The following PRKCH variants were observed in gnomAD, a reference collection of about 807,000 sequenced individuals.
PRKCH encodes protein kinase C eta type.
In PRKCH, 28 loss-of-function variants were observed where a neutral mutation model predicts 82.5. The ratio of observed to expected loss-of-function variants is 0.34; its 90% confidence interval spans 0.25 to 0.47. PRKCH has a LOEUF of 0.47. PRKCH is among the 20% of genes least tolerant of loss of function. The pLI, the probability that PRKCH is intolerant of heterozygous loss-of-function variation, is 1.00. For missense variants in PRKCH, 705 were observed against 881.8 expected (o/e 0.80, Z 2.54); for synonymous variants, 322 against 327.4 (o/e 0.98, Z 0.18).
At chr14:61,463,301 C>T (rs1020675295) in intron 9 of PRKCH, 1 of 152,176 alleles carries the variant, frequency 6.6e-6, no homozygotes, top group African/African-American at 2.4e-5. Flanking sequence ...AAAAATGTCC[C>T]AGGGCTTCCC....
At chr14:61,342,106 A>T (rs964550283) in intron 1 of PRKCH, among the ~76,000 whole-genome samples, 3 of 152,042 alleles carry the variant, frequency 2.0e-5, no homozygotes, top group African/African-American at 7.2e-5. Context: ...CTGCAGTGTA[A>T]CTGGGCTGTC....
intron 1 of PRKCH, among the ~76,000 whole-genome samples, chr14:61,386,152 G>A (rs1011685977): frequency 1.3e-5 from 2 of 152,174 alleles, no homozygotes; most frequent in African/African-American, 4.8e-5. Context: ...TACCTCCCTG[G>A]AGAGTGTACA....
chr14:61,517,433 G>A (rs2042844832), intron 10 of PRKCH, among the ~76,000 whole-genome samples: 2 of 152,354 alleles, frequency 1.3e-5, no homozygotes, highest in Admixed American at 6.5e-5. Flanking sequence ...AGTAAGAATA[G>A]CACTGTTTCC....
chr14:61,414,197 A>G (rs1233594575), intron 2 of PRKCH, among the ~76,000 whole-genome samples: 2 of 152,000 alleles, frequency 1.3e-5, no homozygotes, highest in Non-Finnish European at 2.9e-5. Context: ...CTATATCTGC[A>G]GCCCAGGTCT....
chr14:61,478,837 G>T (rs759714219), intron 9 of PRKCH, among the ~76,000 whole-genome samples: 1 of 152,094 alleles, frequency 6.6e-6, no homozygotes, highest in Non-Finnish European at 1.5e-5. Flanking sequence ...CTCCAGCCTG[G>T]GTGACAGAGC....
chr14:61,485,792 T>C, intron 10 of PRKCH, 136 bp downstream of exon 10: 2 of 1,280,998 alleles, frequency 1.6e-6, no homozygotes, highest in Non-Finnish European at 2.1e-6. Flanking sequence ...GTTTTGGTTT[T>C]TGTTTTTGAG....
At chr14:61,486,379 G>A (rs902521256) in intron 10 of PRKCH, among the ~76,000 whole-genome samples, 9 of 152,162 alleles carry the variant, frequency 5.9e-5, no homozygotes, top group East Asian at 1.9e-4. Context: ...AATATCTTCC[G>A]TGTGTAGCCC....
At chr14:61,256,718 T>C (rs1374684735) in intron 1 of PRKCH, among the ~76,000 whole-genome samples, 1 of 152,210 alleles carries the variant, frequency 6.6e-6, no homozygotes, top group Non-Finnish European at 1.5e-5. Flanking sequence ...GTTGTATTTG[T>C]TGCTCCGAAT....
chr14:61,443,266 G>A lies in PRKCH; in HGVS notation c.578+5G>A. ...TCACTGCAGGGAGTTTATCTGGTAA[G>A]GGGTTCCCTTACTTCTGTCCTCCTC... is the stretch of plus-strand genomic sequence containing the variant. On this transcript the variant is annotated splice_donor_5th_base_variant and intron_variant, in intron 3 of 13. Transcript: ENST00000332981. 2 of 1,613,030 alleles carry A rather than the reference G, an allele frequency of 1.2e-6. No individual in the cohort carries two copies. The highest frequency in any genetic ancestry group is 2.2e-5 in the South Asian group (2 of 90,968).
At chr14:61,314,806 A>T (rs1400275831) in intron 1 of PRKCH, among the ~76,000 whole-genome samples, 1 of 151,860 alleles carries the variant, frequency 6.6e-6, no homozygotes, top group African/African-American at 2.4e-5. Flanking sequence ...ATCCACTGAC[A>T]CCCTAACAGA....
intron 1 of PRKCH, among the ~76,000 whole-genome samples, chr14:61,283,926 T>G (rs2045293201): frequency 6.6e-6 from 1 of 152,218 alleles, no homozygotes; most frequent in Non-Finnish European, 1.5e-5. Context: ...GAAAGGCAAG[T>G]GATAACTGTC....
chr14:61,522,151 T>C (rs2042914817), intron 10 of PRKCH, among the ~76,000 whole-genome samples: 1 of 152,126 alleles, frequency 6.6e-6, no homozygotes, highest in South Asian at 2.1e-4. Flanking sequence ...TTTACATCCT[T>C]CCATTGCTAA....
chr14:61,360,831 A>G (rs2046215202), intron 1 of PRKCH, among the ~76,000 whole-genome samples: 1 of 152,226 alleles, frequency 6.6e-6, no homozygotes, highest in Non-Finnish European at 1.5e-5. Context: ...GGAACTCACC[A>G]GAATCTTTCA....
chr14:61,453,517 C>T (rs1286595797), intron 7 of PRKCH, among the ~76,000 whole-genome samples, 164 bp downstream of exon 7: 1 of 150,676 alleles, frequency 6.6e-6, no homozygotes, highest in African/African-American at 2.4e-5. Flanking sequence ...TTTCTTTTTT[C>T]TTTTCTTTCT....
chr14:61,281,870 C>CTTTTTTTTT lies in PRKCH; in HGVS notation c.-19+94225_-19+94233dup, dbSNP rs71117807. 32 of 94,860 alleles carry CTTTTTTTTT rather than the reference C, an allele frequency of 3.4e-4. 2 individuals carry two copies. The highest frequency in any genetic ancestry group is 6.0e-4 in the African/African-American group (12 of 19,890). 5.9% of individuals were successfully genotyped at this position (94,860 alleles called of 1,614,324 possible). A position where few individuals can be genotyped will look rare whatever the true frequency, so the allele number is the denominator to read the frequency against. On this transcript the variant is annotated intron_variant, in intron 1 of 3. Transcript: ENST00000555185. ...TTCAACGCCTGCGTTCAAATTTTAG[C>CTTTTTTTTT]TTTTTTTTTTTTTTTTTTTTTTTTT...
intron 1 of PRKCH, among the ~76,000 whole-genome samples, chr14:61,377,404 AC>A (rs1401876181): frequency 6.6e-6 from 1 of 152,188 alleles, no homozygotes; most frequent in Non-Finnish European, 1.5e-5. Context: ...TTTATTTCCA[AC>A]ATCTTGCCAG....
intron 1 of PRKCH, among the ~76,000 whole-genome samples, chr14:61,235,864 C>T (rs1239100055): frequency 6.6e-6 from 1 of 152,150 alleles, no homozygotes; most frequent in African/African-American, 2.4e-5. Flanking sequence ...AAGTGACATA[C>T]AGCAAACAGG....
At chr14:61,510,646 A>G (rs1887337742) in intron 10 of PRKCH, among the ~76,000 whole-genome samples, 1 of 151,960 alleles carries the variant, frequency 6.6e-6, no homozygotes, top group African/African-American at 2.4e-5. Context: ...CTCTCCGGAG[A>G]GAGGTGTCAG....
chr14:61,393,347 C>T (rs1210617556), intron 2 of PRKCH, among the ~76,000 whole-genome samples: 1 of 152,152 alleles, frequency 6.6e-6, no homozygotes, highest in Admixed American at 6.6e-5. Context: ...ATCTATAGAT[C>T]AGTTTGAGGG....
Sources: allele counts gnomAD v4.1 joint callset (sites outside exome capture counted in the v4.1 genomes callset), GRCh38; gene constraint gnomAD v4.1.1; transcripts MANE v1.5; gene names NCBI Gene and HGNC (gene_info 2026-07-23, HGNC 2026-07-21).